The following LYN variants were observed in gnomAD, a reference collection of about 807,000 sequenced individuals.
LYN encodes the protein LYN proto-oncogene, Src family tyrosine kinase.
A neutral mutation model predicts 65.0 loss-of-function variants in LYN; 12 were observed. The observed-to-expected ratio is 0.18, with a 90% CI of 0.12 to 0.30. The LOEUF (loss-of-function observed/expected upper bound fraction) is 0.30. LYN is among the 10% of genes least tolerant of loss of function. The pLI is 1.00. For synonymous variants in LYN, 222 were observed against 221.2 expected (o/e 1.00, Z -0.03); for missense variants, 380 against 623.2 (o/e 0.61, Z 4.16).
At chr8:55,890,125 A>AT in intron 1 of LYN, among the ~76,000 whole-genome samples, 1 of 150,356 alleles carries the variant, frequency 6.7e-6, no homozygotes, top group Non-Finnish European at 1.5e-5. Flanking sequence ...GACAAAAAAA[A>AT]AAAAAAAAAA....
intron 10 of LYN, among the ~76,000 whole-genome samples, chr8:55,989,485 C>A (rs1310346241): frequency 6.6e-6 from 1 of 152,124 alleles, no homozygotes; most frequent in Admixed American, 6.5e-5. Flanking sequence ...TGAGGGAGAG[C>A]CCGGTTGCCT....
chr8:55,942,357 G>GTATATATATATGTGTA, intron 2 of LYN, among the ~76,000 whole-genome samples: 1 of 135,068 alleles, frequency 7.4e-6, no homozygotes, highest in South Asian at 2.3e-4. Context: ...ATATATATGT[G>GTATATATATATGTGTA]TATATATATG....
At chr8:55,929,153 C>A (rs1260642244) in intron 1 of LYN, among the ~76,000 whole-genome samples, 1 of 152,096 alleles carries the variant, frequency 6.6e-6, no homozygotes, top group South Asian at 2.1e-4. Context: ...TGTACTGAGT[C>A]TTTTTGTTAC....
At chr8:55,962,718 G>A (rs2719265) in intron 8 of LYN, among the ~76,000 whole-genome samples, 65,773 of 152,050 alleles carry the variant, frequency 0.43, 14,634 homozygotes, top group Middle Eastern at 0.54. Context: ...GATGAAATTG[G>A]AGTTCATGTT....
intron 1 of LYN, among the ~76,000 whole-genome samples, chr8:55,934,205 G>A (rs1210260194): frequency 1.3e-5 from 2 of 152,058 alleles, no homozygotes; most frequent in South Asian, 2.1e-4. Context: ...CAGCCTGGGC[G>A]ACAGAGCGAG....
Position 55,968,868 on chromosome 8 carries a change from T to C in LYN, c.974-849T>C, listed in dbSNP as rs1018275264. 2.0e-5 allele frequency among the ~76,000 whole-genome samples: 3 copies of C among 152,338 alleles called. No homozygotes were observed. The East Asian group carries it at 5.8e-4, about 29-fold the overall frequency. ...CCCGTAAGGCTGGTACTTAAAGTTC[T>C]AGGGGAAAAACAGGTCTTGCTTTAG... On this transcript the variant is annotated intron_variant, in intron 9 of 12. Transcript: ENST00000519728.
At chr8:55,881,654 T>G (rs1220788122) in intron 1 of LYN, among the ~76,000 whole-genome samples, 1 of 152,204 alleles carries the variant, frequency 6.6e-6, no homozygotes, top group Non-Finnish European at 1.5e-5. Flanking sequence ...GGAGAGAAAG[T>G]AGGAGCCAGG....
chr8:55,890,558 T>A (rs1006940207), intron 1 of LYN, among the ~76,000 whole-genome samples: 4 of 152,216 alleles, frequency 2.6e-5, no homozygotes, highest in African/African-American at 9.6e-5. Context: ...AATTGCCATA[T>A]GATGCAGCAA....
chr8:55,971,618 TTA>T (rs1436103129), intron 10 of LYN, among the ~76,000 whole-genome samples: 1 of 152,228 alleles, frequency 6.6e-6, no homozygotes, highest in African/African-American at 2.4e-5. Context: ...AGAGTAGAAG[TTA>T]CACACATTGG....
At chr8:55,925,362 A>T (rs1228352131) in intron 1 of LYN, among the ~76,000 whole-genome samples, 7 of 152,150 alleles carry the variant, frequency 4.6e-5, no homozygotes, top group Admixed American at 4.6e-4. Context: ...TGGCTCAAGC[A>T]GTCCTCCCGC....
At chr8:55,891,243 T>C (rs1204200026) in intron 1 of LYN, among the ~76,000 whole-genome samples, 3 of 151,526 alleles carry the variant, frequency 2.0e-5, no homozygotes, top group Admixed American at 2.0e-4. Context: ...TCCTGGCTAC[T>C]TGGGAGGCTG....
intron 1 of LYN, among the ~76,000 whole-genome samples, chr8:55,885,137 G>T (rs1804757956): frequency 6.6e-6 from 1 of 152,174 alleles, no homozygotes; most frequent in Non-Finnish European, 1.5e-5. Flanking sequence ...GGAAGAGATT[G>T]TCAGTTAACC....
chr8:55,931,074 C>T (rs1040820551), intron 1 of LYN, among the ~76,000 whole-genome samples: 4 of 147,520 alleles, frequency 2.7e-5, no homozygotes, highest in East Asian at 2.0e-4. Flanking sequence ...TATACATATA[C>T]GTGTGTGTAT....
chr8:55,990,281 G>T (rs1808212835), intron 10 of LYN, among the ~76,000 whole-genome samples: 1 of 151,212 alleles, frequency 6.6e-6, no homozygotes, highest in South Asian at 2.1e-4. Context: ...TTGGCCATTG[G>T]TTGAAGGAGT....
intron 2 of LYN, among the ~76,000 whole-genome samples, chr8:55,944,291 A>C (rs1479026917): frequency 6.6e-6 from 1 of 152,148 alleles, no homozygotes; most frequent in Non-Finnish European, 1.5e-5. Flanking sequence ...ACATTACATA[A>C]GTATGTACAG....
chr8:55,987,506 C>T (rs921864624), intron 10 of LYN, among the ~76,000 whole-genome samples: 6 of 152,114 alleles, frequency 3.9e-5, no homozygotes, highest in African/African-American at 1.4e-4. Context: ...TCTTGTCTTG[C>T]AACCTCCGCT....
At position 56,011,013 on chromosome 8, in the gene LYN, CAT is replaced by C. The variant is rs1325824384; in HGVS notation, c.*905_*906del. 1 of 232,272 alleles carries C rather than the reference CAT, an allele frequency of 4.3e-6. No homozygotes were observed. The highest frequency in any genetic ancestry group is 2.2e-5 in the African/African-American group (1 of 45,312). The allele number at this position is 232,272 out of a possible 1,614,324, so 14.4% of individuals were successfully genotyped here. On this transcript the variant is annotated 3_prime_UTR_variant, in exon 13 of 13. Coordinates refer to ENST00000519728, the MANE Select transcript of LYN (RefSeq NM_002350.4). ...AAGAACCTTATAGGGCCTTCTAAAA[CAT>C]AAGAGTTTCCTTTGTTGCTTCAAAT...
At chr8:56,008,505 A>G (rs911517779) in intron 12 of LYN, among the ~76,000 whole-genome samples, 1 of 152,250 alleles carries the variant, frequency 6.6e-6, no homozygotes, top group Non-Finnish European at 1.5e-5. Context: ...TGAAATATGC[A>G]AAACATACAG....
At chr8:55,918,521 A>G (rs1253374131) in intron 1 of LYN, among the ~76,000 whole-genome samples, 2 of 152,244 alleles carry the variant, frequency 1.3e-5, no homozygotes, top group Non-Finnish European at 2.9e-5. Context: ...GCAGCAAAAT[A>G]TATGTTTAAG....
Sources: allele counts gnomAD v4.1 joint callset (sites outside exome capture counted in the v4.1 genomes callset), GRCh38; gene constraint gnomAD v4.1.1; transcripts MANE v1.5; gene names NCBI Gene and HGNC (gene_info 2026-07-23, HGNC 2026-07-21).